Variants in ZMYM1 observed in about 807,000 individuals in gnomAD.
The protein encoded by ZMYM1 is zinc finger MYM-type containing 1, also known as zinc finger MYM-type protein 1.
ZMYM1 carries 39 observed loss-of-function variants against 60.0 expected under a neutral mutation model. The ratio of observed to expected loss-of-function variants is 0.65; its 90% confidence interval spans 0.50 to 0.85. The LOEUF is 0.85. Among genes scored for constraint, ZMYM1 ranks in the 40% least tolerant of loss-of-function variants. The probability of loss-of-function intolerance (pLI) is 0.00; values close to 1 mark genes in which losing one functional copy is unlikely to be tolerated. For missense variants in ZMYM1, 1,171 were observed against 1,309.5 expected, an observed-to-expected ratio of 0.89 and a Z score of 1.63; for synonymous variants, 413 against 454.0, an observed-to-expected ratio of 0.91 and a Z score of 1.15.
chr1:35,110,339 C>A lies in ZMYM1; in HGVS notation c.853C>A (p.Pro285Thr). ...ATCTGTTCCTTGCAAACCATTGAAG[C>A]CCTCAGATGAAATGATTGAGACTAC... ...LISVPCKPLKPSDEMIETTSD... is the reference protein window; with the variant it reads ...LISVPCKPLKTSDEMIETTSD... Residue 285 changes from proline (P) to threonine (T), a missense_variant, in exon 7 of 10, where the codon CCC (proline) becomes ACC (threonine). Physicochemically the swap from Pro to Thr is conservative, Grantham distance 38. Transcript: ENST00000359858. 1 of 1,582,604 alleles carries A rather than the reference C, an allele frequency of 6.3e-7. No individual in the cohort carries two copies. The highest frequency in any genetic ancestry group is 1.4e-5 in the African/African-American group (1 of 72,838).
intron 4 of ZMYM1, 115 bp from the exon 5 acceptor site, chr1:35,104,180 T>C (rs931902079): frequency 7.2e-6 from 7 of 970,048 alleles, no homozygotes; most frequent in Admixed American, 6.2e-5. Context: ...CAAATTCAGG[T>C]TTTCTTATTT....
In ZMYM1 at chr1:35,081,464, C is replaced by A. The variant is rs537509841; in HGVS notation, c.-75+2022C>A. 3.3e-5 allele frequency among the ~76,000 whole-genome samples: 5 copies of A among 152,058 alleles called. No homozygotes were observed. In the East Asian group the frequency reaches 9.7e-4, roughly 29 times the overall value. Reference sequence around the variant, plus strand: ...AATTACCTTACAAATTCCACAAAAACCCCTGCTGGGATTTTCATCTACAGC... The same window carrying A: ...AATTACCTTACAAATTCCACAAAAAACCCTGCTGGGATTTTCATCTACAGC... On this transcript the variant is annotated intron_variant, in intron 1 of 9. Coordinates refer to ENST00000359858, the MANE Select transcript of ZMYM1 (RefSeq NM_024772.5).
At chr1:35,078,576 T>G (rs1176766841), upstream of ZMYM1, among the ~76,000 whole-genome samples, 1 of 133,650 alleles carries the variant, frequency 7.5e-6, no homozygotes, top group African/African-American at 2.9e-5. Flanking sequence ...TGAGACGCAG[T>G]CTCTCTCTGT....
Position 35,104,639 on chromosome 1 carries a change from ACTT to A in ZMYM1, c.679_681del (p.Phe227del). The A allele has an allele frequency of 1.2e-6, 2 of 1,614,176 alleles. No homozygotes were observed. The highest frequency in any genetic ancestry group is 8.5e-7 in the Non-Finnish European group (1 of 1,180,040). On this transcript the variant is annotated inframe_deletion, in exon 6 of 10. Coordinates refer to ENST00000359858, the MANE Select transcript of ZMYM1 (RefSeq NM_024772.5). ...CTTTCAAAGTTTCACTCTGCTAACA[ACTT>A]CATCATGAACTGCTGTGAGAACTGT...
At position 35,110,336 on chromosome 1, in the gene ZMYM1, A is replaced by G; in HGVS notation, c.850A>G (p.Lys284Glu). Residue 284 changes from lysine (K) to glutamate (E), a missense_variant, in exon 7 of 10, where the codon AAG (lysine) becomes GAG (glutamate). By Grantham distance (56) the Lys-to-Glu change is moderately conservative. Coordinates refer to ENST00000359858, the MANE Select transcript of ZMYM1 (RefSeq NM_024772.5). ...PLISVPCKPL[K>E]PSDEMIETTS... ...TATATCTGTTCCTTGCAAACCATTG[A>G]AGCCCTCAGATGAAATGATTGAGAC... is the stretch of plus-strand genomic sequence containing the variant. 1 of 1,583,338 alleles carries G rather than the reference A, an allele frequency of 6.3e-7. No individual in the cohort carries two copies. Among genetic ancestry groups the G allele is most frequent in the Non-Finnish European group, 8.6e-7 (1 of 1,168,286 alleles).
intron 4 of ZMYM1, among the ~76,000 whole-genome samples, chr1:35,101,740 T>C (rs1291286005): frequency 1.3e-5 from 2 of 151,560 alleles, no homozygotes; most frequent in African/African-American, 4.8e-5. Context: ...TAAATATTTT[T>C]AGTAGAGACG....
At chr1:35,110,683 C>A (rs979155430) in intron 7 of ZMYM1, among the ~76,000 whole-genome samples, 1 of 152,078 alleles carries the variant, frequency 6.6e-6, no homozygotes, top group Admixed American at 6.6e-5. Flanking sequence ...GTATTCCCAG[C>A]ACTTTGGGAG....
chr1:35,113,030 G>A lies in ZMYM1; in HGVS notation c.1200G>A (p.Thr400=), dbSNP rs778430724. The change falls in exon 10 of 10, where the codon ACG becomes ACA. Residue 400 remains threonine (T), a synonymous_variant. Coordinates refer to ENST00000359858, the MANE Select transcript of ZMYM1 (RefSeq NM_024772.5). ...GTAATGCTGTTGCTAGTAGTAGTAC[G>A]GAACAGCCAAGCGTTTCACCATCTT... ...EPSNAVASSS[T]EQPSVSPSSS... The A allele has an allele frequency of 2.0e-5, 33 of 1,612,852 alleles. No individual in the cohort carries two copies. The highest frequency in any genetic ancestry group is 2.5e-5 in the Non-Finnish European group (30 of 1,179,552).
intron 1 of ZMYM1, among the ~76,000 whole-genome samples, chr1:35,084,822 G>A (rs1642572307): frequency 6.6e-6 from 1 of 152,146 alleles, no homozygotes; most frequent in East Asian, 1.9e-4. Context: ...TTATTTTTCT[G>A]TAGTTCCCTC....
At chr1:35,062,376 T>C (rs1353950221) in intron 1 of ZMYM1, among the ~76,000 whole-genome samples, 2 of 152,240 alleles carry the variant, frequency 1.3e-5, no homozygotes, top group Non-Finnish European at 2.9e-5. Context: ...AGACCTGTCA[T>C]GTAAGGAGGT....
chr1:35,106,783 CTTTTT>C (rs894307717), intron 6 of ZMYM1, among the ~76,000 whole-genome samples: 1 of 151,078 alleles, frequency 6.6e-6, no homozygotes, highest in Non-Finnish European at 1.5e-5. Flanking sequence ...AATAATATTC[CTTTTT>C]TTTTCTTTCT....
downstream of ZMYM1, among the ~76,000 whole-genome samples, chr1:35,116,172 C>T (rs1644247162): frequency 6.6e-6 from 1 of 152,072 alleles, no homozygotes; most frequent in Non-Finnish European, 1.5e-5. Flanking sequence ...AAATTTGAGG[C>T]TGCAGTGAGC....
intron 1 of ZMYM1, among the ~76,000 whole-genome samples, chr1:35,063,875 T>C (rs1163776473): frequency 1.3e-5 from 2 of 152,032 alleles, no homozygotes; most frequent in African/African-American, 2.4e-5. Context: ...CTGTGAGAGG[T>C]GGCACTAAAA....
At chr1:35,065,496 A>G (rs1032317439) in intron 1 of ZMYM1, among the ~76,000 whole-genome samples, 4 of 151,816 alleles carry the variant, frequency 2.6e-5, no homozygotes, top group Non-Finnish European at 2.9e-5. Context: ...GGCTGTTAGT[A>G]ATTAGGTTTT....
rs767612814 is a variant in ZMYM1 at position 35,115,304 on chromosome 1, G to C, written c.*45G>C. ...ACCTAAAAGACTTGTATTTCCATTG[G>C]GATGTTTTCATTTCAAAATTGTTCA... On this transcript the variant is annotated 3_prime_UTR_variant, in exon 10 of 10. Coordinates refer to ENST00000359858, the MANE Select transcript of ZMYM1 (RefSeq NM_024772.5). 1.4e-5 allele frequency: 21 copies of C among 1,487,180 alleles called. No homozygotes were observed. Among genetic ancestry groups the C allele is most frequent in the Non-Finnish European group, 1.8e-5 (20 of 1,125,930 alleles). The allele number at this position is 1,487,180 out of a possible 1,614,324, so 92.1% of individuals were successfully genotyped here.
downstream of ZMYM1, among the ~76,000 whole-genome samples, chr1:35,117,617 C>T (rs1271442906): frequency 2.0e-5 from 3 of 151,948 alleles, no homozygotes; most frequent in East Asian, 2.0e-4. Context: ...CCACCATGCC[C>T]GGCCCTAATT....
intron 1 of ZMYM1, among the ~76,000 whole-genome samples, chr1:35,082,704 G>T (rs1442640569): frequency 6.6e-6 from 1 of 151,470 alleles, no homozygotes; most frequent in East Asian, 2.0e-4. Flanking sequence ...TAGTGGCCGG[G>T]CGTGGTGGCT....
intron 1 of ZMYM1, among the ~76,000 whole-genome samples, chr1:35,060,985 G>T (rs929990708): frequency 1.3e-5 from 2 of 152,204 alleles, no homozygotes; most frequent in Non-Finnish European, 2.9e-5. Flanking sequence ...AAGGCCATGA[G>T]CCTGGCTAGG....
At chr1:35,100,079 T>G (rs1220096685) in intron 4 of ZMYM1, among the ~76,000 whole-genome samples, 1 of 151,948 alleles carries the variant, frequency 6.6e-6, no homozygotes, top group Non-Finnish European at 1.5e-5. Flanking sequence ...TCAGTAGAGA[T>G]GCAGTTTCGC....
Sources: gnomAD v4.1 joint callset for allele counts (sites outside exome capture counted in the v4.1 genomes callset) on GRCh38, gnomAD v4.1.1 for gene constraint, MANE v1.5 for transcripts, NCBI Gene and HGNC (gene_info 2026-07-23, HGNC 2026-07-21) for gene names.